The following HECW2 variants were observed in gnomAD, a reference collection of about 807,000 sequenced individuals.
HECW2 encodes HECT, C2 and WW domain containing E3 ubiquitin protein ligase 2.
Under a neutral mutation model 175.2 loss-of-function variants are expected in HECW2, and 61 were observed. That is an observed-to-expected ratio of 0.35 (90% CI 0.28 to 0.43). The LOEUF (loss-of-function observed/expected upper bound fraction) is 0.43, where lower values mean the gene tolerates loss of function less well. Ranked by LOEUF, HECW2 falls within the 20% of genes least tolerant of loss-of-function variation. The pLI is 1.00. For missense variants in HECW2, 1,524 were observed against 2,000.5 expected (o/e 0.76, Z 4.54); for synonymous variants, 671 against 731.0 (o/e 0.92, Z 1.32).
Position 196,575,922 on chromosome 2 carries a change from G to A in HECW2, c.-36+17586C>T, listed in dbSNP as rs144546449. Among the ~76,000 whole-genome samples the A allele has an allele frequency of 1.9e-3, 294 of 150,896 alleles. 3 individuals carry two copies. Among genetic ancestry groups the A allele is most frequent in the Admixed American group, 0.015 (227 of 15,154 alleles). On this transcript the variant is annotated intron_variant, in intron 1 of 28. Transcript: ENST00000644978. Reference sequence around the variant, plus strand: ...ATCACCAACGGGAGGGCACCAAGCCGTTTATGAGGGATCCACCCCCTCATA... The same window carrying A: ...ATCACCAACGGGAGGGCACCAAGCCATTTATGAGGGATCCACCCCCTCATA...
At chr2:196,342,973 T>C (rs1421555180) in intron 3 of HECW2, among the ~76,000 whole-genome samples, 3 of 121,914 alleles carry the variant, frequency 2.5e-5, no homozygotes, top group Admixed American at 1.7e-4. Context: ...ATACATTATG[T>C]ATATGTAAAA....
intron 1 of HECW2, among the ~76,000 whole-genome samples, chr2:196,477,474 T>C (rs1010470166): frequency 3.9e-5 from 6 of 152,210 alleles, no homozygotes; most frequent in African/African-American, 1.4e-4. Context: ...GAAGGAAAAG[T>C]CTAAATGGGA....
At chr2:196,479,471 A>G (rs1686774860) in intron 1 of HECW2, among the ~76,000 whole-genome samples, 1 of 152,160 alleles carries the variant, frequency 6.6e-6, no homozygotes, top group African/African-American at 2.4e-5. Flanking sequence ...ATTGCAGAAC[A>G]GTGTTCACTA....
At chr2:196,460,166 G>A (rs1324429626) in intron 1 of HECW2, among the ~76,000 whole-genome samples, 3 of 152,140 alleles carry the variant, frequency 2.0e-5, no homozygotes, top group Admixed American at 2.0e-4. Context: ...AGCTGACAAT[G>A]AGGCTGGAAT....
At chr2:196,365,205 G>T (rs916884442) in intron 2 of HECW2, among the ~76,000 whole-genome samples, 1 of 152,204 alleles carries the variant, frequency 6.6e-6, no homozygotes, top group African/African-American at 2.4e-5. Context: ...AATATTTATT[G>T]CAAGTAAAGC....
Position 196,319,672 on chromosome 2 carries a change from G to A in HECW2, c.1218C>T (p.Thr406=). Residue 406 remains threonine (T), a synonymous_variant, in exon 9 of 29, where the codon ACC becomes ACT. Coordinates refer to ENST00000644978, the MANE Select transcript of HECW2 (RefSeq NM_001348768.2). ...AATCCTGACGTCCTCTGGGAGGTGA[G>A]GTCCTTGAAGACGTAGAGGTTAATT... is the stretch of plus-strand genomic sequence containing the variant. ...TEELTSTSSR[T]SPPRGRQDSL... 6.2e-7 allele frequency: 1 copy of A among 1,614,220 alleles called. No homozygotes were observed. The highest frequency in any genetic ancestry group is 8.5e-7 in the Non-Finnish European group (1 of 1,180,040).
Position 196,437,600 on chromosome 2 carries a change from A to G in HECW2, c.-35-4142T>C, listed in dbSNP as rs186835660. ...GCACTCCAGCCTGGGCAACAGAGTG[A>G]GACTCTGTCTCAAAAAAAAAAAAAG... On this transcript the variant is annotated intron_variant, in intron 1 of 28. Coordinates refer to ENST00000644978, the MANE Select transcript of HECW2 (RefSeq NM_001348768.2). 8.4e-3 allele frequency among the ~76,000 whole-genome samples: 1,253 copies of G among 149,020 alleles called. 21 individuals carry two copies. The highest frequency in any genetic ancestry group is 0.03 in the African/African-American group (1,199 of 39,394).
rs147997522 is a variant in HECW2 at position 196,315,583 on chromosome 2, C to G, written c.2434+1691G>C. Among the ~76,000 whole-genome samples the G allele has an allele frequency of 5.8e-3, 887 of 152,222 alleles. 8 individuals carry two copies. Among genetic ancestry groups the G allele is most frequent in the Middle Eastern group, 0.02 (6 of 294 alleles). On this transcript the variant is annotated intron_variant, in intron 10 of 28. Coordinates refer to ENST00000644978, the MANE Select transcript of HECW2 (RefSeq NM_001348768.2). The stretch of plus-strand genomic sequence containing the variant: ...TGTTTGTCAGTCACTGATTAAATAC[C>G]ATGAGTCACTAAGTTGCCTTTACTT...
At chr2:196,465,217 T>C (rs1054923137) in intron 1 of HECW2, among the ~76,000 whole-genome samples, 5 of 152,146 alleles carry the variant, frequency 3.3e-5, no homozygotes, top group African/African-American at 1.2e-4. Context: ...AGCAGATGGA[T>C]TGGAATATTT....
intron 1 of HECW2, among the ~76,000 whole-genome samples, chr2:196,543,833 C>T (rs150473493): frequency 3.3e-5 from 5 of 152,288 alleles, no homozygotes; most frequent in African/African-American, 7.2e-5. Flanking sequence ...AGGCTGGTCT[C>T]GAATTCCAGA....
intron 1 of HECW2, among the ~76,000 whole-genome samples, chr2:196,510,303 C>G (rs1687901213): frequency 6.6e-6 from 1 of 152,186 alleles, no homozygotes. Context: ...ACTACTACAT[C>G]AGGCAGGGGA....
intron 1 of HECW2, among the ~76,000 whole-genome samples, chr2:196,590,685 G>T (rs1691157874): frequency 6.6e-6 from 1 of 152,148 alleles, no homozygotes; most frequent in African/African-American, 2.4e-5. Context: ...TATTAAAACT[G>T]GGAAGATCCC....
intron 14 of HECW2, among the ~76,000 whole-genome samples, chr2:196,283,071 T>G (rs576299095): frequency 6.6e-6 from 1 of 151,868 alleles, no homozygotes; most frequent in East Asian, 2.0e-4. Flanking sequence ...CCGTCCTGGC[T>G]AACATGATGA....
intron 1 of HECW2, among the ~76,000 whole-genome samples, chr2:196,577,822 T>C (rs192787327): frequency 9.2e-5 from 14 of 152,278 alleles, no homozygotes; most frequent in Admixed American, 9.2e-4. Flanking sequence ...AGTAGCTACA[T>C]ATGACAAAGA....
intron 2 of HECW2, among the ~76,000 whole-genome samples, chr2:196,414,205 G>C (rs961619012): frequency 6.6e-6 from 1 of 152,170 alleles, no homozygotes; most frequent in African/African-American, 2.4e-5. Flanking sequence ...ACAGCTGTCA[G>C]TTAGCTTGAC....
chr2:196,342,096 A>AT lies in HECW2; in HGVS notation c.400+1560dup, dbSNP rs968835339. Among the ~76,000 whole-genome samples, 682 of 151,058 alleles carry AT rather than the reference A, an allele frequency of 4.5e-3. 12 individuals are homozygous for AT. The highest frequency in any genetic ancestry group is 0.016 in the African/African-American group (650 of 41,206). ...AACTCAGAAAAAGTTTAAAAAGCCC[A>AT]TTTTTTTTTCTACATTAAAGAAAAA... On this transcript the variant is annotated intron_variant, in intron 3 of 28. Coordinates refer to ENST00000644978, the MANE Select transcript of HECW2 (RefSeq NM_001348768.2).
intron 24 of HECW2, 71 bp from the exon 25 acceptor site, chr2:196,221,012 G>A: frequency 6.5e-7 from 1 of 1,537,538 alleles, no homozygotes; most frequent in Non-Finnish European, 8.9e-7. Context: ...TACTAGCATT[G>A]AGCTGAAATC....
intron 1 of HECW2, among the ~76,000 whole-genome samples, chr2:196,521,560 C>G (rs1265899017): frequency 6.7e-6 from 1 of 150,162 alleles, no homozygotes; most frequent in South Asian, 2.1e-4. Context: ...TATACATGTG[C>G]CATGCTGGTG....
chr2:196,469,124 T>C (rs1419966858), intron 1 of HECW2, among the ~76,000 whole-genome samples: 1,658 of 94,182 alleles, frequency 0.018, 31 homozygotes, highest in African/African-American at 0.087. Flanking sequence ...TGTGTGCGTG[T>C]GTGTGTGTGT....
Sources: allele counts gnomAD v4.1 joint callset (sites outside exome capture counted in the v4.1 genomes callset), GRCh38; gene constraint gnomAD v4.1.1; transcripts MANE v1.5; gene names NCBI Gene and HGNC (gene_info 2026-07-23, HGNC 2026-07-21).